The following DACH2 variants were observed in gnomAD, a reference collection of about 807,000 sequenced individuals.
The protein encoded by DACH2 is dachshund family transcription factor 2.
In DACH2, 17 loss-of-function variants were observed where a neutral mutation model predicts 35.8. That is an observed-to-expected ratio of 0.48 (90% CI 0.33 to 0.71). The LOEUF is 0.71. Ranked by LOEUF, DACH2 falls within the 30% of genes least tolerant of loss-of-function variation. The pLI is 0.02. For missense variants in DACH2, 469 were observed against 472.7 expected (o/e 0.99, Z 0.07); for synonymous variants, 195 against 177.3 (o/e 1.10, Z -0.79).
chrX:86,373,612 G>T (rs768148195), intron 1 of DACH2, among the ~76,000 whole-genome samples: 5 of 110,590 alleles, frequency 4.5e-5, no homozygotes, highest in Non-Finnish European at 9.5e-5. Flanking sequence ...TGCGACTTTG[G>T]CCAAATAATT....
chrX:86,706,140 G>A (rs1164365160), intron 5 of DACH2, among the ~76,000 whole-genome samples: 1 of 110,743 alleles, frequency 9.0e-6, no homozygotes, highest in Non-Finnish European at 1.9e-5. Flanking sequence ...CTACATTATG[G>A]GTACAGTGTA....
chrX:86,461,249 G>A (rs2037566683), intron 2 of DACH2, among the ~76,000 whole-genome samples: 1 of 111,568 alleles, frequency 9.0e-6, no homozygotes, highest in Non-Finnish European at 1.9e-5. Context: ...TCAAGTGTTT[G>A]AGAGAAGCGC....
Position 86,813,159 on chromosome X carries a change from T to C in DACH2, c.1419T>C (p.Ala473=). The part of the protein sequence containing the change: ...QGLLKVALDN[A]RIQEKQIQQE... The stretch of plus-strand genomic sequence containing the variant: ...TGCTGAAAGTTGCTTTGGATAATGC[T>C]CGCATCCAGGAGAAGCAGATTCAAC... Residue 473 remains alanine (A), a synonymous_variant, in exon 9 of 12, where the codon GCT becomes GCC. Coordinates refer to ENST00000373125, the MANE Select transcript of DACH2 (RefSeq NM_053281.3). 8.3e-7 allele frequency: 1 copy of C among 1,208,034 alleles called. No individual in the cohort carries two copies. The highest frequency in any genetic ancestry group is 1.1e-6 in the Non-Finnish European group (1 of 894,033).
At chrX:86,378,114 C>T (rs2035995269) in intron 2 of DACH2, among the ~76,000 whole-genome samples, 1 of 110,627 alleles carries the variant, frequency 9.0e-6, no homozygotes. Flanking sequence ...AATTGGCTTT[C>T]ACTTTATTTT....
chrX:86,153,664 T>C (rs1418299332), intron 1 of DACH2, among the ~76,000 whole-genome samples: 6 of 111,626 alleles, frequency 5.4e-5, no homozygotes, highest in Non-Finnish European at 9.5e-5. Flanking sequence ...AATGAAGAGA[T>C]AGTCATATTG....
intron 3 of DACH2, among the ~76,000 whole-genome samples, chrX:86,583,264 A>G (rs183277972): frequency 2.2e-3 from 241 of 111,227 alleles, no homozygotes; most frequent in Admixed American, 6.0e-3. Context: ...TATACTGAAC[A>G]TGAAAAAACT....
At chrX:86,714,436 A>G in intron 5 of DACH2, 112 bp from the exon 6 acceptor site, 1 of 575,400 alleles carries the variant, frequency 1.7e-6, no homozygotes, top group Non-Finnish European at 2.7e-6. Context: ...AGACACTAAG[A>G]TATAATAAAA....
intron 7 of DACH2, among the ~76,000 whole-genome samples, chrX:86,775,554 A>T (rs991957211): frequency 9.0e-5 from 10 of 111,519 alleles, no homozygotes; most frequent in Non-Finnish European, 1.7e-4. Context: ...CAGTGGGAAA[A>T]TTGTCTTCCA....
At chrX:86,455,019 C>G (rs1204436898) in intron 2 of DACH2, among the ~76,000 whole-genome samples, 1 of 111,031 alleles carries the variant, frequency 9.0e-6, no homozygotes, top group Non-Finnish European at 1.9e-5. Flanking sequence ...AGCAGTCAGA[C>G]CACTCTTCTG....
intron 1 of DACH2, among the ~76,000 whole-genome samples, chrX:86,213,958 T>A: frequency 9.0e-6 from 1 of 111,235 alleles, no homozygotes; most frequent in Middle Eastern, 4.7e-3. Context: ...TGTTTCCAAT[T>A]TAAGAATCTC....
chrX:86,167,942 A>G (rs2030999019), intron 1 of DACH2, among the ~76,000 whole-genome samples: 1 of 111,798 alleles, frequency 8.9e-6, no homozygotes, highest in Admixed American at 9.5e-5. Context: ...GTTTTAAGAC[A>G]TGTTTTGTGA....
chrX:86,780,029 A>G (rs2042074508), intron 7 of DACH2, among the ~76,000 whole-genome samples: 1 of 110,416 alleles, frequency 9.1e-6, no homozygotes, highest in African/African-American at 3.3e-5. Context: ...TCTGATACCC[A>G]TCCCCCAGGG....
chrX:86,338,261 A>T (rs2035352266), intron 1 of DACH2, among the ~76,000 whole-genome samples: 2 of 112,059 alleles, frequency 1.8e-5, no homozygotes, highest in Admixed American at 9.5e-5. Flanking sequence ...AATAGAATAT[A>T]CATTCTTCTC....
At chrX:86,243,949 A>G (rs1471068264) in intron 1 of DACH2, among the ~76,000 whole-genome samples, 1 of 111,775 alleles carries the variant, frequency 8.9e-6, no homozygotes, top group Non-Finnish European at 1.9e-5. Flanking sequence ...TATATTAAAT[A>G]TTTAATAAAA....
At chrX:86,472,706 A>T (rs1436303435) in intron 2 of DACH2, among the ~76,000 whole-genome samples, 4 of 111,996 alleles carry the variant, frequency 3.6e-5, no homozygotes, top group South Asian at 7.3e-4. Context: ...TGTTTTTCTG[A>T]CTATAATACA....
chrX:86,263,140 C>A, intron 1 of DACH2: 2 of 266,882 alleles, frequency 7.5e-6, no homozygotes, highest in Non-Finnish European at 1.0e-5. Flanking sequence ...AGAACCATGT[C>A]AAAAGAAAGC....
At chrX:86,179,621 G>A (rs1203127272) in intron 1 of DACH2, among the ~76,000 whole-genome samples, 1 of 111,915 alleles carries the variant, frequency 8.9e-6, no homozygotes, top group Non-Finnish European at 1.9e-5. Flanking sequence ...CTGATGACAA[G>A]TTTTTTGATA....
chrX:86,577,340 C>T (rs909333410), intron 3 of DACH2, among the ~76,000 whole-genome samples: 4 of 110,581 alleles, frequency 3.6e-5, no homozygotes, highest in African/African-American at 9.9e-5. Context: ...ATACTATAGC[C>T]TTCTTTATAG....
intron 1 of DACH2, among the ~76,000 whole-genome samples, chrX:86,310,277 A>G (rs1302007367): frequency 2.7e-5 from 3 of 111,836 alleles, no homozygotes; most frequent in African/African-American, 6.5e-5. Flanking sequence ...TTGTATATAC[A>G]TGATTGGGCA....
Sources: allele counts gnomAD v4.1 joint callset (sites outside exome capture counted in the v4.1 genomes callset), GRCh38; gene constraint gnomAD v4.1.1; transcripts MANE v1.5; gene names NCBI Gene and HGNC (gene_info 2026-07-23, HGNC 2026-07-21).